Variants in BAZ1A observed in about 807,000 individuals in gnomAD.
BAZ1A encodes the protein bromodomain adjacent to zinc finger domain 1A.
Under a neutral mutation model 185.2 loss-of-function variants are expected in BAZ1A, and 50 were observed. The observed-to-expected ratio is 0.27, with a 90% CI of 0.22 to 0.34. BAZ1A has a LOEUF of 0.34. Among genes scored for constraint, BAZ1A ranks in the 10% least tolerant of loss-of-function variants. The pLI is 1.00. For missense variants in BAZ1A, 1,356 were observed against 1,839.9 expected, an observed-to-expected ratio of 0.74 and a Z score of 4.81; for synonymous variants, 571 against 615.6, an observed-to-expected ratio of 0.93 and a Z score of 1.07.
At chr14:34,778,340 A>G (rs1879794968) in intron 17 of BAZ1A, among the ~76,000 whole-genome samples, 1 of 152,206 alleles carries the variant, frequency 6.6e-6, no homozygotes. Context: ...TGGACCCCTG[A>G]TAATCTGCCT....
intron 4 of BAZ1A, 49 bp from the exon 5 acceptor site, chr14:34,811,085 G>T: frequency 7.7e-7 from 1 of 1,294,680 alleles, no homozygotes; most frequent in South Asian, 1.3e-5. Flanking sequence ...TTTGGAAAAT[G>T]AAATTTTAAA....
chr14:34,840,587 C>T (rs549915535), intron 3 of BAZ1A, among the ~76,000 whole-genome samples: 1 of 152,022 alleles, frequency 6.6e-6, no homozygotes, highest in Non-Finnish European at 1.5e-5. Context: ...GGTGAAATCT[C>T]GTTTCTACTA....
chr14:34,832,215 C>CACACACACACACACATATATAT, intron 3 of BAZ1A, among the ~76,000 whole-genome samples: 1,583 of 89,512 alleles, frequency 0.018, 38 homozygotes, highest in Non-Finnish European at 0.027. Context: ...CACACACACA[C>CACACACACACACACATATATAT]ATATATATAT....
chr14:34,829,545 C>T (rs1330658570), intron 3 of BAZ1A, among the ~76,000 whole-genome samples: 1 of 152,124 alleles, frequency 6.6e-6, no homozygotes, highest in East Asian at 1.9e-4. Flanking sequence ...CCTCTCCTTC[C>T]ATTTACTGTC....
At chr14:34,755,454 T>A (rs1886199194) in intron 25 of BAZ1A, among the ~76,000 whole-genome samples, 1 of 152,126 alleles carries the variant, frequency 6.6e-6, no homozygotes, top group African/African-American at 2.4e-5. Context: ...ATTCAAACCA[T>A]CCACCATTCA....
At chr14:34,833,371 T>C (rs2042280402) in intron 3 of BAZ1A, among the ~76,000 whole-genome samples, 2 of 151,992 alleles carry the variant, frequency 1.3e-5, no homozygotes, top group South Asian at 4.1e-4. Context: ...CTACTAAAGA[T>C]ACAAAAATTA....
intron 8 of BAZ1A, among the ~76,000 whole-genome samples, chr14:34,800,889 G>A (rs956842776): frequency 3.9e-5 from 6 of 152,120 alleles, no homozygotes; most frequent in Admixed American, 1.3e-4. Context: ...GAATATGCAA[G>A]ACCATGAAAT....
In BAZ1A at chr14:34,780,214, G is replaced by C; in HGVS notation, c.2208C>G (p.Asp736Glu). The C allele has an allele frequency of 6.2e-7, 1 of 1,613,464 alleles. No homozygotes were observed. Among genetic ancestry groups the C allele is most frequent in the Non-Finnish European group, 8.5e-7 (1 of 1,179,758 alleles). The part of the protein sequence containing the change: ...DQDMVTEDED[D>E]PGSHKRGRRG... Reference sequence around the variant, plus strand: ...TTCTGCCTCTTTTATGTGATCCTGGGTCATCTTCATCTTCAGTGACCATAT... The same window carrying C: ...TTCTGCCTCTTTTATGTGATCCTGGCTCATCTTCATCTTCAGTGACCATAT... Residue 736 changes from aspartate to glutamate, a missense_variant, in exon 17 of 27, where the codon GAC (aspartate) becomes GAG (glutamate). Physicochemically the swap from Asp to Glu is conservative, Grantham distance 45 (BLOSUM62 2). This residue lies in a region of BAZ1A where 434 missense variants were observed against 561.7 expected (regional missense o/e 0.77). Coordinates refer to ENST00000360310, the MANE Select transcript of BAZ1A (RefSeq NM_013448.3).
intron 4 of BAZ1A, among the ~76,000 whole-genome samples, chr14:34,818,402 A>G (rs950654585): frequency 6.6e-6 from 1 of 152,232 alleles, no homozygotes; most frequent in Non-Finnish European, 1.5e-5. Context: ...TGATAGTTGT[A>G]CAACACTGTG....
At chr14:34,809,920 A>G (rs1365860464) in intron 5 of BAZ1A, among the ~76,000 whole-genome samples, 1 of 152,194 alleles carries the variant, frequency 6.6e-6, no homozygotes, top group Non-Finnish European at 1.5e-5. Context: ...AGAAGTTTGA[A>G]TAATCAAACA....
chr14:34,852,643 T>A (rs1242475490), intron 3 of BAZ1A, among the ~76,000 whole-genome samples: 1 of 152,058 alleles, frequency 6.6e-6, no homozygotes, highest in African/African-American at 2.4e-5. Context: ...AAAGTGCATG[T>A]TCCCCAATGA....
chr14:34,874,356 C>T lies in BAZ1A; in HGVS notation c.113+136G>A. 1.4e-5 allele frequency: 12 copies of T among 835,668 alleles called. No homozygotes were observed. Among genetic ancestry groups the T allele is most frequent in the Non-Finnish European group, 2.3e-5 (12 of 526,196 alleles). 51.8% of individuals were successfully genotyped at this position (835,668 alleles called of 1,614,324 possible). ...AGGTGGAGGCCAGGAGGCAGAGAAC[C>T]GCGGGCCCGGGGGCCACCCGTCACT... is the stretch of plus-strand genomic sequence containing the variant. On this transcript the variant is annotated intron_variant, in intron 2 of 26. Coordinates refer to ENST00000360310, the MANE Select transcript of BAZ1A (RefSeq NM_013448.3). This position sits in a 1 kb window ranked among gnomAD's most constrained non-coding sequence, Gnocchi z 4.7.
In BAZ1A at chr14:34,840,787, AC is replaced by A. The variant is rs201970134; in HGVS notation, c.393-14632del. The stretch of plus-strand genomic sequence containing the variant: ...CAAAAACAAACAAACAAACAAACAA[AC>A]AAACAAACAAAAAACTTATACTTAT... On this transcript the variant is annotated intron_variant, in intron 3 of 26. Coordinates refer to ENST00000360310, the MANE Select transcript of BAZ1A (RefSeq NM_013448.3). Among the ~76,000 whole-genome samples the A allele has an allele frequency of 2.0e-5, 3 of 151,194 alleles. No individual in the cohort carries two copies. In the Admixed American group the frequency reaches 2.0e-4, roughly 10 times the overall value.
intron 9 of BAZ1A, among the ~76,000 whole-genome samples, 192 bp downstream of exon 9, chr14:34,800,030 AAG>A (rs1197398330): frequency 2.0e-5 from 3 of 152,244 alleles, no homozygotes; most frequent in Non-Finnish European, 4.4e-5. Context: ...TGCATTCTAA[AAG>A]AGGTTTTAAG....
intron 2 of BAZ1A, among the ~76,000 whole-genome samples, chr14:34,869,145 T>C (rs932771841): frequency 2.0e-5 from 3 of 151,734 alleles, no homozygotes; most frequent in Admixed American, 1.3e-4. Flanking sequence ...AGGCGGAGTT[T>C]GCAGTGAGCC....
intron 4 of BAZ1A, among the ~76,000 whole-genome samples, chr14:34,821,780 T>C (rs2042093523): frequency 6.6e-6 from 1 of 151,660 alleles, no homozygotes; most frequent in Non-Finnish European, 1.5e-5. Flanking sequence ...AGGTTGGGAG[T>C]TCGCGACCAG....
In BAZ1A at chr14:34,753,561, T is replaced by C; in HGVS notation, c.4618A>G (p.Ser1540Gly). Reference protein sequence around the residue: ...AQKLGLHVTPSNVDQVSTPPA... With the variant: ...AQKLGLHVTPGNVDQVSTPPA... Reference sequence around the variant, plus strand: ...GGTGTGCTAACTTGGTCCACATTACTGGGTGTGACGTGGAGTCCAAGCTTT... The same window carrying C: ...GGTGTGCTAACTTGGTCCACATTACCGGGTGTGACGTGGAGTCCAAGCTTT... The change falls in exon 27 of 27, where the codon AGT (serine) becomes GGT (glycine). Residue 1540 changes from serine to glycine, a missense_variant. This residue lies in a region of BAZ1A where 61 missense variants were observed against 117.9 expected (regional missense o/e 0.52). Transcript: ENST00000360310. 2 of 1,614,156 alleles carry C rather than the reference T, an allele frequency of 1.2e-6. No individual in the cohort carries two copies. Among genetic ancestry groups the C allele is most frequent in the Non-Finnish European group, 1.7e-6 (2 of 1,180,016 alleles).
intron 9 of BAZ1A, among the ~76,000 whole-genome samples, chr14:34,796,848 C>T (rs1446325128): frequency 6.6e-6 from 1 of 152,156 alleles, no homozygotes; most frequent in East Asian, 1.9e-4. Flanking sequence ...ATAAATTATC[C>T]ACCCCCAACC....
intron 3 of BAZ1A, among the ~76,000 whole-genome samples, chr14:34,840,127 TA>T (rs1220544262): frequency 6.6e-6 from 1 of 152,174 alleles, no homozygotes; most frequent in East Asian, 1.9e-4. Flanking sequence ...ACTGCTTTTC[TA>T]AAAACCTGGC....
Sources: allele counts gnomAD v4.1 joint callset (sites outside exome capture counted in the v4.1 genomes callset), GRCh38; gene constraint gnomAD v4.1.1; regional missense constraint gnomAD v4.1.1; non-coding constraint Gnocchi (gnomAD v3.1); transcripts MANE v1.5; gene names NCBI Gene and HGNC (gene_info 2026-07-23, HGNC 2026-07-21).